The following WWOX variants were observed in gnomAD, a reference collection of about 807,000 sequenced individuals.
WWOX encodes the protein WW domain containing oxidoreductase.
In WWOX, 69 loss-of-function variants were observed where a neutral mutation model predicts 46.2. The observed-to-expected ratio is 1.49, with a 90% CI of 1.23 to 1.82. WWOX has a LOEUF of 1.82. Ranked by LOEUF, WWOX falls within the 40% of genes most tolerant of loss-of-function variation. The probability of loss-of-function intolerance (pLI) is 0.00; values close to 1 mark genes in which losing one functional copy is unlikely to be tolerated. For synonymous variants in WWOX, 359 were observed against 202.6 expected, an observed-to-expected ratio of 1.77 and a Z score of -6.56; for missense variants, 919 against 542.6, an observed-to-expected ratio of 1.69 and a Z score of -6.89.
At chr16:78,715,887 G>C (rs1444907146) in intron 8 of WWOX, among the ~76,000 whole-genome samples, 1 of 152,166 alleles carries the variant, frequency 6.6e-6, no homozygotes, top group Admixed American at 6.5e-5. Context: ...GAGCTGCAAG[G>C]AATGCTGGGA....
At chr16:78,434,608 G>C (rs759764436) in intron 8 of WWOX, among the ~76,000 whole-genome samples, 1 of 152,114 alleles carries the variant, frequency 6.6e-6, no homozygotes, top group Non-Finnish European at 1.5e-5. Context: ...GTAATCTTTG[G>C]GTCTTGAGTC....
intron 8 of WWOX, among the ~76,000 whole-genome samples, chr16:79,184,480 G>C (rs1185879916): frequency 6.6e-6 from 1 of 152,160 alleles, no homozygotes; most frequent in African/African-American, 2.4e-5. Context: ...CTTTGCTGCA[G>C]ACTGACCAAA....
At chr16:79,199,029 C>G (rs950373524) in intron 8 of WWOX, among the ~76,000 whole-genome samples, 1 of 152,136 alleles carries the variant, frequency 6.6e-6, no homozygotes, top group Non-Finnish European at 1.5e-5. Context: ...AGGCAGAAAA[C>G]TTTGCCTCTT....
At chr16:78,753,283 G>T (rs1391262496) in intron 8 of WWOX, among the ~76,000 whole-genome samples, 1 of 151,744 alleles carries the variant, frequency 6.6e-6, no homozygotes, top group Non-Finnish European at 1.5e-5. Flanking sequence ...CTGGGCGACA[G>T]ACTCCAGCCT....
chr16:78,556,000 A>G (rs902531456), intron 8 of WWOX, among the ~76,000 whole-genome samples: 8 of 152,160 alleles, frequency 5.3e-5, no homozygotes, highest in Admixed American at 3.9e-4. Flanking sequence ...AAGGGAAGTA[A>G]CAGGGAGAAG....
chr16:78,940,138 T>C (rs2045822614), intron 8 of WWOX, among the ~76,000 whole-genome samples: 4 of 152,236 alleles, frequency 2.6e-5, no homozygotes, highest in South Asian at 4.1e-4. Context: ...GACAATAATA[T>C]ATTTTTTCTA....
intron 8 of WWOX, among the ~76,000 whole-genome samples, chr16:78,567,577 AAGT>A (rs2044604096): frequency 6.9e-6 from 1 of 144,114 alleles, no homozygotes; most frequent in African/African-American, 2.6e-5. Context: ...AAAAAAAAAG[AAGT>A]GAGTTTTTTT....
At chr16:79,052,117 C>A (rs1021274367) in intron 8 of WWOX, among the ~76,000 whole-genome samples, 2 of 151,488 alleles carry the variant, frequency 1.3e-5, no homozygotes, top group African/African-American at 2.4e-5. Flanking sequence ...TATACATGTG[C>A]CATGCTGGTG....
At chr16:78,648,138 A>G (rs1050843998) in intron 8 of WWOX, among the ~76,000 whole-genome samples, 1 of 152,220 alleles carries the variant, frequency 6.6e-6, no homozygotes, top group African/African-American at 2.4e-5. Flanking sequence ...TTGAAAGGTG[A>G]CTGAATACAT....
At chr16:78,866,307 A>G (rs1204374593) in intron 8 of WWOX, among the ~76,000 whole-genome samples, 1 of 152,094 alleles carries the variant, frequency 6.6e-6, no homozygotes, top group African/African-American at 2.4e-5. Context: ...TCAGATTTCA[A>G]GTGGTCATTT....
chr16:78,244,600 C>T (rs550204280), intron 5 of WWOX, among the ~76,000 whole-genome samples: 1 of 152,276 alleles, frequency 6.6e-6, no homozygotes, highest in South Asian at 2.1e-4. Context: ...GAGTAACTAT[C>T]TCTGGAAAGG....
intron 8 of WWOX, among the ~76,000 whole-genome samples, chr16:79,032,993 C>T (rs562255205): frequency 6.6e-6 from 1 of 151,494 alleles, no homozygotes; most frequent in Non-Finnish European, 1.5e-5. Context: ...TCATTTAGTT[C>T]CCACTTATAA....
intron 8 of WWOX, among the ~76,000 whole-genome samples, chr16:78,511,562 C>T (rs747510602): frequency 6.6e-6 from 1 of 152,306 alleles, no homozygotes; most frequent in South Asian, 2.1e-4. Flanking sequence ...GTGATTACAG[C>T]ACGTCCTCAC....
intron 8 of WWOX, among the ~76,000 whole-genome samples, chr16:79,161,551 C>T (rs1273147258): frequency 1.3e-5 from 2 of 152,156 alleles, no homozygotes; most frequent in South Asian, 2.1e-4. Flanking sequence ...AGGACAGGGT[C>T]TTGTTCCATT....
At chr16:78,830,709 T>C (rs936884646) in intron 8 of WWOX, among the ~76,000 whole-genome samples, 1 of 151,688 alleles carries the variant, frequency 6.6e-6, no homozygotes, top group Non-Finnish European at 1.5e-5. Flanking sequence ...TTCTGGGCTG[T>C]TCAGGTCGAT....
chr16:78,947,112 AAG>A (rs1024478467), intron 8 of WWOX, among the ~76,000 whole-genome samples: 7 of 152,210 alleles, frequency 4.6e-5, no homozygotes, highest in Admixed American at 1.3e-4. Context: ...AAAAAAAAAA[AAG>A]AGGGGGAAAA....
intron 5 of WWOX, among the ~76,000 whole-genome samples, chr16:78,200,468 A>G (rs2036195769): frequency 6.6e-6 from 1 of 150,514 alleles, no homozygotes; most frequent in African/African-American, 2.4e-5. Context: ...CCCAGCATGT[A>G]AAATGTTGTG....
intron 5 of WWOX, among the ~76,000 whole-genome samples, chr16:78,192,585 T>C (rs1468537457): frequency 6.6e-6 from 1 of 151,894 alleles, no homozygotes; most frequent in Admixed American, 6.6e-5. Context: ...GTGGCACACA[T>C]TATAGTGTCT....
At chr16:78,540,609 A>G (rs1330460166) in intron 8 of WWOX, among the ~76,000 whole-genome samples, 2 of 151,742 alleles carry the variant, frequency 1.3e-5, no homozygotes, top group Admixed American at 1.3e-4. Flanking sequence ...GAGTGGTTAC[A>G]CCCTGGGCTT....
Sources: gnomAD v4.1 joint callset for allele counts (sites outside exome capture counted in the v4.1 genomes callset) on GRCh38, gnomAD v4.1.1 for gene constraint, MANE v1.5 for transcripts, NCBI Gene and HGNC (gene_info 2026-07-23, HGNC 2026-07-21) for gene names.